Variants in ZC3H12B observed in about 807,000 individuals in gnomAD.
The protein encoded by ZC3H12B is probable ribonuclease ZC3H12B.
A neutral mutation model predicts 43.9 loss-of-function variants in ZC3H12B; 7 were observed. That is an observed-to-expected ratio of 0.16 (90% CI 0.09 to 0.30). The LOEUF is 0.30. ZC3H12B is among the 10% of genes least tolerant of loss of function. The pLI is 1.00. For synonymous variants in ZC3H12B, 222 were observed against 241.7 expected, an observed-to-expected ratio of 0.92 and a Z score of 0.76; for missense variants, 475 against 670.2, an observed-to-expected ratio of 0.71 and a Z score of 3.22.
At chrX:65,121,563 A>G in the ZC3H12B span, among the ~76,000 whole-genome samples, 2 of 111,184 alleles carry the variant, frequency 1.8e-5, no homozygotes, top group East Asian at 5.7e-4. Context: ...TAGTCTTGCT[A>G]GCAGTCTATC....
chrX:65,135,589 G>T, the ZC3H12B span, among the ~76,000 whole-genome samples: 1 of 108,866 alleles, frequency 9.2e-6, no homozygotes, highest in African/African-American at 3.3e-5. Context: ...ATTTTGTAAC[G>T]CAGGCTAAAT....
the ZC3H12B span, among the ~76,000 whole-genome samples, chrX:65,061,569 A>G: frequency 8.9e-6 from 1 of 112,038 alleles, no homozygotes; most frequent in African/African-American, 3.2e-5. Flanking sequence ...TCTATCATTG[A>G]TGGGCATTTG....
the ZC3H12B span, among the ~76,000 whole-genome samples, chrX:65,207,479 G>A: frequency 2.1e-4 from 23 of 110,696 alleles, no homozygotes; most frequent in Non-Finnish European, 4.0e-4. Flanking sequence ...TTAAAGGGCT[G>A]AAGGAAAATG....
chrX:65,327,064 G>A, the ZC3H12B span, among the ~76,000 whole-genome samples: 1 of 111,178 alleles, frequency 9.0e-6, no homozygotes, highest in Non-Finnish European at 1.9e-5. Flanking sequence ...AAACAGTGTG[G>A]AGACTCCTCA....
the ZC3H12B span, among the ~76,000 whole-genome samples, chrX:65,350,876 T>G: frequency 1.8e-5 from 2 of 111,764 alleles, no homozygotes; most frequent in Non-Finnish European, 3.8e-5. Flanking sequence ...ATCAATATCA[T>G]GAAAATGGCC....
At chrX:65,103,185 A>G in the ZC3H12B span, among the ~76,000 whole-genome samples, 1 of 111,400 alleles carries the variant, frequency 9.0e-6, no homozygotes, top group African/African-American at 3.3e-5. Flanking sequence ...ACTGTATAAG[A>G]CAGACATTCC....
the ZC3H12B span, among the ~76,000 whole-genome samples, chrX:65,260,324 G>A: frequency 3.6e-5 from 4 of 110,247 alleles, no homozygotes; most frequent in Admixed American, 2.9e-4. Flanking sequence ...AAAATACCTA[G>A]GAATACAGCT....
At chrX:65,047,883 A>G in the ZC3H12B span, among the ~76,000 whole-genome samples, 3 of 110,602 alleles carry the variant, frequency 2.7e-5, no homozygotes, top group African/African-American at 6.6e-5. Flanking sequence ...TATTAAAATA[A>G]TTATTCATAT....
intron 3 of ZC3H12B, among the ~76,000 whole-genome samples, chrX:65,412,007 ATAAAG>A (rs1256510258): frequency 2.7e-5 from 3 of 111,536 alleles, no homozygotes; most frequent in Non-Finnish European, 5.7e-5. Context: ...TCTAGATAAT[ATAAAG>A]TAACCATTTT....
the ZC3H12B span, among the ~76,000 whole-genome samples, chrX:65,207,269 CACACAT>C: frequency 1.8e-5 from 2 of 108,207 alleles, no homozygotes; most frequent in African/African-American, 6.7e-5. Context: ...CACACACACA[CACACAT>C]ACACACACCG....
At chrX:65,066,178 C>T in the ZC3H12B span, among the ~76,000 whole-genome samples, 1 of 110,588 alleles carries the variant, frequency 9.0e-6, no homozygotes, top group Non-Finnish European at 1.9e-5. Flanking sequence ...CAGTTTTGTT[C>T]TCTTGCTGGC....
chrX:65,185,922 A>G, the ZC3H12B span: 3 of 111,593 alleles, frequency 2.7e-5, no homozygotes, highest in African/African-American at 3.3e-5. Context: ...CGCTTCATCT[A>G]CCACAGCTTG....
exon 3 of ZC3H12B, chrX:65,499,048 A>G (rs1187357542): frequency 1.7e-6 from 2 of 1,209,743 alleles, no homozygotes; most frequent in East Asian, 3.0e-5. Context: ...TTGTCTTCAC[A>G]CCATCCCGAA....
the ZC3H12B span, among the ~76,000 whole-genome samples, chrX:65,042,673 A>G: frequency 1.8e-5 from 2 of 112,327 alleles, no homozygotes; most frequent in East Asian, 5.6e-4. Context: ...TTTGTGAACC[A>G]CTGACCCAGT....
chrX:65,317,284 C>T, the ZC3H12B span, among the ~76,000 whole-genome samples: 2 of 109,785 alleles, frequency 1.8e-5, no homozygotes, highest in South Asian at 3.8e-4. Context: ...ATAGCAACCA[C>T]GGTCTTGGGC....
chrX:65,318,617 A>C, the ZC3H12B span, among the ~76,000 whole-genome samples: 1 of 110,228 alleles, frequency 9.1e-6, no homozygotes, highest in Admixed American at 9.6e-5. Context: ...ATGGGGTTTC[A>C]CCATGTTGAC....
intron 3 of ZC3H12B, among the ~76,000 whole-genome samples, chrX:65,440,395 GA>G (rs779638424): frequency 1.7e-3 from 193 of 112,637 alleles, no homozygotes; most frequent in African/African-American, 5.8e-3. Context: ...AACCATGTAT[GA>G]AGAATCAGAA....
the ZC3H12B span, among the ~76,000 whole-genome samples, chrX:65,312,296 G>A: frequency 9.0e-6 from 1 of 111,613 alleles, no homozygotes; most frequent in African/African-American, 3.3e-5. Context: ...GTTGCATAAA[G>A]GGAACAGACA....
At chrX:65,241,599 G>A in the ZC3H12B span, among the ~76,000 whole-genome samples, 3 of 112,844 alleles carry the variant, frequency 2.7e-5, no homozygotes, top group Non-Finnish European at 3.8e-5. Context: ...CCATGATCTG[G>A]CACAGCAGCT....
Sources: gnomAD v4.1 joint callset for allele counts (sites outside exome capture counted in the v4.1 genomes callset) on GRCh38, gnomAD v4.1.1 for gene constraint, MANE v1.5 for transcripts, NCBI Gene and HGNC (gene_info 2026-07-23, HGNC 2026-07-21) for gene names.